Variants in SMIM31 observed in about 807,000 individuals in gnomAD.
SMIM31 encodes the protein small integral membrane protein 31.
intron 2 of SMIM31, among the ~76,000 whole-genome samples, chr4:164,784,789 C>T (rs1733004957): frequency 6.6e-6 from 1 of 151,936 alleles, no homozygotes. Flanking sequence ...AAATAGGATG[C>T]TTTTGGAGTG....
chr4:164,755,419 A>G (rs62352403), intron 1 of SMIM31, among the ~76,000 whole-genome samples: 16,973 of 148,686 alleles, frequency 0.11, 1,084 homozygotes, highest in African/African-American at 0.16. Context: ...GGCGGAGGTT[A>G]CCATGAACTG....
In SMIM31 at chr4:164,760,959, G is replaced by C. The variant is rs181269122; in HGVS notation, c.-26+6548G>C. ...TAAGTTTGAGAAATAGTATGTACAA[G>C]TCCAAGGATGCATGAGATCTTTGTC... On this transcript the variant is annotated intron_variant, in intron 1 of 2. Transcript: ENST00000507311. 8.2e-3 allele frequency among the ~76,000 whole-genome samples: 1,247 copies of C among 152,216 alleles called. 7 individuals are homozygous for C. Among genetic ancestry groups the C allele is most frequent in the Admixed American group, 0.014 (207 of 15,294 alleles).
In SMIM31 at chr4:164,770,546, A is replaced by G. The variant is rs1286684895; in HGVS notation, c.103A>G (p.Ser35Gly). ...LASIYTTPDDSNEEEEHEKKG... is the reference protein window; with the variant it reads ...LASIYTTPDDGNEEEEHEKKG... Reference sequence around the variant, plus strand: ...TTCCATCTACACTACTCCGGATGACAGTAATGAAGGTAAAAGAAGACAAAA... The same window carrying G: ...TTCCATCTACACTACTCCGGATGACGGTAATGAAGGTAAAAGAAGACAAAA... Residue 35 changes from serine (S) to glycine (G), a missense_variant, in exon 2 of 3, where the codon AGT becomes GGT. By Grantham distance (56) the Ser-to-Gly change is moderately conservative (BLOSUM62 0). Transcript: ENST00000507311. 1 of 398,876 alleles carries G rather than the reference A, an allele frequency of 2.5e-6. No homozygotes were observed. 24.7% of individuals were successfully genotyped at this position (398,876 alleles called of 1,614,324 possible).
chr4:164,759,860 T>C (rs1169896305), intron 1 of SMIM31, among the ~76,000 whole-genome samples: 4 of 152,176 alleles, frequency 2.6e-5, no homozygotes, highest in African/African-American at 9.7e-5. Flanking sequence ...TAGAAGGTAA[T>C]AATTGCTTTG....
chr4:164,760,518 G>C (rs1732631858), intron 1 of SMIM31, among the ~76,000 whole-genome samples: 1 of 151,448 alleles, frequency 6.6e-6, no homozygotes, highest in Non-Finnish European at 1.5e-5. Flanking sequence ...ATCACTTGAG[G>C]TCAGGAGTTC....
At chr4:164,781,290 A>G (rs1004844151) in intron 2 of SMIM31, among the ~76,000 whole-genome samples, 3 of 152,204 alleles carry the variant, frequency 2.0e-5, no homozygotes, top group Non-Finnish European at 4.4e-5. Flanking sequence ...TGCTTACCAA[A>G]GGACCAAACA....
intron 2 of SMIM31, among the ~76,000 whole-genome samples, chr4:164,776,639 T>C (rs17045494): frequency 0.035 from 5,369 of 152,300 alleles, 319 homozygotes; most frequent in African/African-American, 0.12. Context: ...TTGCATGTCA[T>C]CTAGAATGTA....
intron 2 of SMIM31, among the ~76,000 whole-genome samples, chr4:164,791,671 T>C (rs937848156): frequency 4.6e-5 from 7 of 152,214 alleles, no homozygotes; most frequent in African/African-American, 7.2e-5. Context: ...TCAGACATTT[T>C]GTTGTCAATA....
intron 1 of SMIM31, among the ~76,000 whole-genome samples, chr4:164,763,990 T>C (rs954528408): frequency 2.0e-5 from 3 of 152,312 alleles, no homozygotes; most frequent in Non-Finnish European, 2.9e-5. Context: ...ATCTTTAGTT[T>C]CCAAAATTCT....
intron 1 of SMIM31, among the ~76,000 whole-genome samples, chr4:164,769,933 C>T (rs1336071003): frequency 6.6e-6 from 1 of 152,120 alleles, no homozygotes; most frequent in Non-Finnish European, 1.5e-5. Flanking sequence ...GGCATTTCAC[C>T]TCTACCATAT....
At chr4:164,797,888 C>T (rs978155002) in intron 2 of SMIM31, among the ~76,000 whole-genome samples, 1 of 152,094 alleles carries the variant, frequency 6.6e-6, no homozygotes, top group African/African-American at 2.4e-5. Flanking sequence ...ACTCTCCCAC[C>T]CTCCCACCTT....
At chr4:164,763,887 AGG>A (rs1393125477) in intron 1 of SMIM31, among the ~76,000 whole-genome samples, 1 of 152,202 alleles carries the variant, frequency 6.6e-6, no homozygotes, top group African/African-American at 2.4e-5. Flanking sequence ...TAAAATTGGG[AGG>A]AAAAAACCTT....
intron 2 of SMIM31, among the ~76,000 whole-genome samples, chr4:164,791,137 A>G (rs1367026335): frequency 6.6e-6 from 1 of 152,088 alleles, no homozygotes; most frequent in South Asian, 2.1e-4. Flanking sequence ...TTTGTTGTTA[A>G]TTTATAGCTA....
At chr4:164,774,107 C>T (rs547476084) in intron 2 of SMIM31, among the ~76,000 whole-genome samples, 3 of 148,540 alleles carry the variant, frequency 2.0e-5, no homozygotes, top group African/African-American at 7.4e-5. Flanking sequence ...TGGAGCATGC[C>T]GTGAGCTGAG....
At chr4:164,788,508 A>G (rs1451431907) in intron 2 of SMIM31, among the ~76,000 whole-genome samples, 1 of 11,404 alleles carries the variant, frequency 8.8e-5, no homozygotes, top group Non-Finnish European at 1.7e-4. Context: ...TTTTTTTTTG[A>G]GACGGAGTTT....
At chr4:164,758,775 A>G (rs1732603606) in intron 1 of SMIM31, among the ~76,000 whole-genome samples, 2 of 134,072 alleles carry the variant, frequency 1.5e-5, no homozygotes, top group African/African-American at 2.8e-5. Context: ...CTGGGACTAC[A>G]GGCGCCCGCC....
chr4:164,798,579 T>C (rs34274837), intron 2 of SMIM31, among the ~76,000 whole-genome samples: 27,583 of 151,922 alleles, frequency 0.18, 2,730 homozygotes, highest in South Asian at 0.27. Context: ...CTATGAGAAA[T>C]TGAGTTAGGG....
chr4:164,788,329 G>A (rs1233757211), intron 2 of SMIM31, among the ~76,000 whole-genome samples: 1 of 151,978 alleles, frequency 6.6e-6, no homozygotes, highest in Non-Finnish European at 1.5e-5. Flanking sequence ...TGGTAAAACT[G>A]TGAGAGATAT....
intron 2 of SMIM31, among the ~76,000 whole-genome samples, chr4:164,798,224 A>ATTTTT (rs1370282043): frequency 3.7e-4 from 32 of 85,720 alleles, no homozygotes; most frequent in African/African-American, 1.1e-3. Context: ...TGATATAATG[A>ATTTTT]TTTTTATTTT....
Sources: gnomAD v4.1 joint callset for allele counts (sites outside exome capture counted in the v4.1 genomes callset) on GRCh38, gnomAD v4.1.1 for gene constraint, MANE v1.5 for transcripts, NCBI Gene and HGNC (gene_info 2026-07-23, HGNC 2026-07-21) for gene names.